RARB: variants seen among roughly 807,000 people sequenced by gnomAD.
RARB encodes the protein HBV-activated protein.
Under a neutral mutation model 51.9 loss-of-function variants are expected in RARB, and 17 were observed. The ratio of observed to expected loss-of-function variants is 0.33; its 90% CI spans 0.22 to 0.49. The LOEUF (loss-of-function observed/expected upper bound fraction) is 0.49, where lower values mean the gene tolerates loss of function less well. Ranked by LOEUF, RARB falls within the 20% of genes least tolerant of loss-of-function variation. The probability of loss-of-function intolerance (pLI) is 0.99; values close to 1 mark genes in which losing one functional copy is unlikely to be tolerated. For missense variants in RARB, 369 were observed against 550.8 expected (o/e 0.67, Z 3.30); for synonymous variants, 215 against 195.4 (o/e 1.10, Z -0.84).
chr3:25,259,091 A>G, intron 5 of RARB: 1 of 984,528 alleles, frequency 1.0e-6, no homozygotes. Flanking sequence ...ACAGCAACCA[A>G]AGAACTGTCT....
intron 3 of RARB, among the ~76,000 whole-genome samples, chr3:25,567,456 T>C (rs1350744123): frequency 6.6e-6 from 1 of 152,224 alleles, no homozygotes; most frequent in African/African-American, 2.4e-5. Context: ...AAGCTTCATC[T>C]GTGTTGTAGT....
chr3:25,255,240 A>G (rs1702833155), intron 5 of RARB, among the ~76,000 whole-genome samples: 1 of 152,146 alleles, frequency 6.6e-6, no homozygotes, highest in Non-Finnish European at 1.5e-5. Flanking sequence ...TGGAGATCAG[A>G]TCCTGGATAT....
At chr3:25,471,759 T>TCA (rs201470886) in intron 2 of RARB, among the ~76,000 whole-genome samples, 2,113 of 152,332 alleles carry the variant, frequency 0.014, 57 homozygotes, top group African/African-American at 0.047. Flanking sequence ...TCATTTGCTG[T>TCA]TTTTGTTATA....
At position 25,062,938 on chromosome 3, in the gene RARB, G is replaced by A. The variant is rs866380944; in HGVS notation, c.-328+2762G>A. On this transcript the variant is annotated intron_variant, in intron 3 of 11. Coordinates refer to the RARB transcript ENST00000383772. ...TAGAGTATGTGAATCATGTCTCAAAGGTTTTTTTAAATGCACATGTTCAAA... is the reference window on the plus strand; with the variant it reads ...TAGAGTATGTGAATCATGTCTCAAAAGTTTTTTTAAATGCACATGTTCAAA... 2.0e-5 allele frequency among the ~76,000 whole-genome samples: 3 copies of A among 151,900 alleles called. No individual in the cohort carries two copies. In the South Asian group the frequency reaches 6.2e-4, roughly 32 times the overall value.
rs1701408626 is a variant in RARB, at chr3:25,202,126, T to G, written c.178+27551T>G. ...TTAATTTCAGATCCTGTTATTGGTC[T>G]ATTCAGAGATTCAACTTCTTCCTGA... is the stretch of plus-strand genomic sequence containing the variant. On this transcript the variant is annotated intron_variant, in intron 5 of 11. Transcript: ENST00000383772. 2.6e-5 allele frequency among the ~76,000 whole-genome samples: 4 copies of G among 152,344 alleles called. No individual in the cohort carries two copies. The South Asian group carries it at 8.3e-4, about 32-fold the overall frequency.
chr3:25,549,812 T>G (rs1431348338), intron 3 of RARB, among the ~76,000 whole-genome samples: 1 of 152,172 alleles, frequency 6.6e-6, no homozygotes, highest in Non-Finnish European at 1.5e-5. Flanking sequence ...TACCATTCTT[T>G]CATGGTCATG....
rs187385136 is a variant in RARB, at chr3:25,200,917, C to T, written c.178+26342C>T. Among the ~76,000 whole-genome samples, 236 of 152,188 alleles carry T rather than the reference C, an allele frequency of 1.6e-3. 1 individual carries two copies. Among genetic ancestry groups the T allele is most frequent in the African/African-American group, 4.9e-3 (202 of 41,528 alleles). On this transcript the variant is annotated intron_variant, in intron 5 of 11. Transcript: ENST00000383772. ...TTCTTTTGGCTTAGGATTGACTTGG[C>T]GATGCAGGCTCTTTTTTGGTTCCAT...
chr3:24,935,599 G>C lies in RARB; in HGVS notation c.-380+76847G>C, dbSNP rs1421023323. 3.8e-4 allele frequency among the ~76,000 whole-genome samples: 58 copies of C among 152,102 alleles called. 2 individuals carry two copies. The highest frequency in any genetic ancestry group is 3.8e-3 in the Admixed American group (58 of 15,274). On this transcript the variant is annotated intron_variant, in intron 2 of 11. Coordinates refer to the RARB transcript ENST00000383772. The stretch of plus-strand genomic sequence containing the variant: ...CTAATTCTATAGGCAAATATTGGAA[G>C]ACTAGTTTTATGCTGATTTTTCACA...
At chr3:25,271,554 G>A (rs1249059633) in intron 5 of RARB, among the ~76,000 whole-genome samples, 1 of 152,154 alleles carries the variant, frequency 6.6e-6, no homozygotes, top group African/African-American at 2.4e-5. Flanking sequence ...TCTTTTGGAA[G>A]AGTTTCCATG....
intron 2 of RARB, among the ~76,000 whole-genome samples, chr3:25,026,928 C>T (rs1280932244): frequency 6.6e-6 from 1 of 152,084 alleles, no homozygotes; most frequent in African/African-American, 2.4e-5. Flanking sequence ...GATTAGGAAG[C>T]GATGAGTTTT....
chr3:24,884,803 T>C (rs1403146397), intron 2 of RARB, among the ~76,000 whole-genome samples: 2 of 152,196 alleles, frequency 1.3e-5, no homozygotes, highest in Admixed American at 6.5e-5. Flanking sequence ...GTAGATGAGA[T>C]ACAGAGGATC....
chr3:25,579,350 T>A (rs756908582), intron 4 of RARB, among the ~76,000 whole-genome samples: 2 of 152,246 alleles, frequency 1.3e-5, no homozygotes, highest in Non-Finnish European at 2.9e-5. Context: ...GAGAGTTTCC[T>A]TGTGCACCTG....
intron 5 of RARB, among the ~76,000 whole-genome samples, chr3:25,400,259 C>G (rs1707228673): frequency 6.6e-6 from 1 of 152,042 alleles, no homozygotes; most frequent in Non-Finnish European, 1.5e-5. Context: ...ACAAAAGTTA[C>G]CAGGAGTTTG....
chr3:25,086,064 A>G (rs868860149), intron 3 of RARB, among the ~76,000 whole-genome samples: 2 of 152,106 alleles, frequency 1.3e-5, no homozygotes, highest in African/African-American at 2.4e-5. Context: ...TGTGGTCACT[A>G]TGGGTTCACT....
intron 5 of RARB, among the ~76,000 whole-genome samples, chr3:25,423,166 T>A (rs963276016): frequency 1.5e-4 from 23 of 152,336 alleles, no homozygotes; most frequent in East Asian, 5.8e-4. Flanking sequence ...GAGTACAATT[T>A]TGTGCGTCCA....
chr3:25,196,929 G>C (rs553769189), intron 5 of RARB, among the ~76,000 whole-genome samples: 2 of 151,776 alleles, frequency 1.3e-5, no homozygotes, highest in South Asian at 2.1e-4. Context: ...TTTTTTTGTT[G>C]TAAATTTGTT....
At chr3:24,941,957 C>A (rs1695677314) in intron 2 of RARB, among the ~76,000 whole-genome samples, 1 of 152,180 alleles carries the variant, frequency 6.6e-6, no homozygotes, top group Admixed American at 6.6e-5. Context: ...TAATCAGGAT[C>A]CCAGGCTGAA....
chr3:25,247,588 C>A (rs569342733), intron 5 of RARB, among the ~76,000 whole-genome samples: 1 of 152,310 alleles, frequency 6.6e-6, no homozygotes, highest in Non-Finnish European at 1.5e-5. Flanking sequence ...TTCCCTCACC[C>A]CTTGAACTTC....
intron 5 of RARB, among the ~76,000 whole-genome samples, chr3:25,305,687 A>T (rs1234130426): frequency 1.3e-5 from 2 of 152,056 alleles, no homozygotes; most frequent in African/African-American, 2.4e-5. Flanking sequence ...TGTCCACGAC[A>T]CTCCTACCTA....
Sources: gnomAD v4.1 joint callset for allele counts (sites outside exome capture counted in the v4.1 genomes callset) on GRCh38, gnomAD v4.1.1 for gene constraint, MANE v1.5 for transcripts, NCBI Gene and HGNC (gene_info 2026-07-23, HGNC 2026-07-21) for gene names.